Variants in EIF5 observed in about 807,000 individuals in gnomAD.
EIF5 encodes the protein eukaryotic translation initiation factor 5.
In EIF5, 10 loss-of-function variants were observed where a neutral mutation model predicts 48.3. The observed-to-expected ratio is 0.21, with a 90% CI of 0.13 to 0.35. The LOEUF (loss-of-function observed/expected upper bound fraction) is 0.35. Among genes scored for constraint, EIF5 ranks in the 10% least tolerant of loss-of-function variants. The pLI is 1.00. For missense variants in EIF5, 397 were observed against 533.2 expected (o/e 0.74, Z 2.51); for synonymous variants, 237 against 173.1 (o/e 1.37, Z -2.90).
intron 11 of EIF5, among the ~76,000 whole-genome samples, 198 bp from the exon 12 acceptor site, chr14:103,340,765 T>G (rs1169077097): frequency 1.3e-5 from 2 of 151,068 alleles, no homozygotes; most frequent in East Asian, 3.9e-4. Flanking sequence ...CACATTATAG[T>G]CTATAAAAAA....
At position 103,335,831 on chromosome 14, in the gene EIF5, T is replaced by A; in HGVS notation, c.-30T>A. ...AAAGTTGCAATCAAAGATCTCTTCATCTTATTGATAAAGCCACTAATAAGC... is the reference window on the plus strand; with the variant it reads ...AAAGTTGCAATCAAAGATCTCTTCAACTTATTGATAAAGCCACTAATAAGC... On this transcript the variant is annotated 5_prime_UTR_variant, in exon 3 of 12. Transcript: ENST00000216554. 6.2e-7 allele frequency: 1 copy of A among 1,611,858 alleles called. No homozygotes were observed.
chr14:103,339,420 C>T, intron 9 of EIF5, 87 bp downstream of exon 9: 1 of 1,508,464 alleles, frequency 6.6e-7, no homozygotes, highest in Non-Finnish European at 8.9e-7. Flanking sequence ...CTTGTCCTGT[C>T]ATGCTTGAAA....
chr14:103,338,617 TTAAGG>T, intron 7 of EIF5, 113 bp from the exon 8 acceptor site: 1 of 1,516,542 alleles, frequency 6.6e-7, no homozygotes, highest in South Asian at 1.3e-5. Flanking sequence ...GTTGTTTGAA[TTAAGG>T]TGAACCCAAT....
At chr14:103,339,933 C>T (rs1653646106) in intron 10 of EIF5, 130 bp downstream of exon 10, 2 of 1,055,778 alleles carry the variant, frequency 1.9e-6, no homozygotes, top group Non-Finnish European at 2.7e-6. Context: ...ATCTCAGCTC[C>T]CTGAAACCTC....
At chr14:103,340,938 T>G in intron 11 of EIF5, 25 bp from the exon 12 acceptor site, 1 of 1,605,802 alleles carries the variant, frequency 6.2e-7, no homozygotes, top group East Asian at 2.2e-5. Context: ...CAGCTTATGT[T>G]GAATAAAATC....
intron 4 of EIF5, 96 bp from the exon 5 acceptor site, chr14:103,336,581 C>CAAA (rs35114533): frequency 6.7e-4 from 773 of 1,149,796 alleles, no homozygotes; most frequent in East Asian, 2.3e-3. Context: ...ACTCTTGTCT[C>CAAA]AAAAAAAAAA....
chr14:103,340,703 A>G, intron 11 of EIF5, 142 bp downstream of exon 11: 1 of 1,146,020 alleles, frequency 8.7e-7, no homozygotes, highest in Non-Finnish European at 1.2e-6. Flanking sequence ...ACAGCCTCTC[A>G]ATAATTTGGA....
chr14:103,340,873 A>G (rs2089345334), intron 11 of EIF5, 90 bp from the exon 12 acceptor site: 70 of 1,278,478 alleles, frequency 5.5e-5, no homozygotes, highest in Non-Finnish European at 6.8e-5. Context: ...GCATCTAGGC[A>G]GTTTCCTCCT....
In EIF5 at chr14:103,336,024, T is replaced by A. The variant is rs1198678916; in HGVS notation, c.73-12T>A. 2.5e-6 allele frequency: 4 copies of A among 1,614,038 alleles called. No individual in the cohort carries two copies. The highest frequency in any genetic ancestry group is 3.4e-6 in the Non-Finnish European group (4 of 1,180,016). Reference sequence around the variant, plus strand: ...GGGGAAACTGCACAACTAAAATTCTTATTTCCTTTAGGTTGAGGGCAAAGG... The same window carrying A: ...GGGGAAACTGCACAACTAAAATTCTAATTTCCTTTAGGTTGAGGGCAAAGG... On this transcript the variant is annotated splice_polypyrimidine_tract_variant and intron_variant, in intron 3 of 11. Coordinates refer to ENST00000216554, the MANE Select transcript of EIF5 (RefSeq NM_001969.5).
Position 103,342,998 on chromosome 14 carries a change from C to T in EIF5, c.*1946C>T, listed in dbSNP as rs560161084. The T allele has an allele frequency of 9.2e-5, 14 of 152,712 alleles. No homozygotes were observed. Among genetic ancestry groups the T allele is most frequent in the African/African-American group, 3.1e-4 (13 of 41,562 alleles). The allele number at this position is 152,712 out of a possible 1,614,324, so 9.5% of individuals were successfully genotyped here. ...GCTTCTAGAACACTAAAAAATTTGG[C>T]TTAAACCAGTGTTCAGTCTGGTGCC... is the stretch of plus-strand genomic sequence containing the variant. On this transcript the variant is annotated 3_prime_UTR_variant, in exon 12 of 12. Coordinates refer to ENST00000216554, the MANE Select transcript of EIF5 (RefSeq NM_001969.5).
intron 2 of EIF5, chr14:103,334,829 C>G (rs924563510): frequency 6.6e-6 from 1 of 151,758 alleles, no homozygotes; most frequent in Non-Finnish European, 1.5e-5. Flanking sequence ...GCTTCAGCTG[C>G]TGCATTTGTG....
intron 6 of EIF5, chr14:103,337,790 G>C: frequency 4.3e-6 from 2 of 463,060 alleles, no homozygotes. Context: ...ACCCAGCAAA[G>C]TTTCTTTTAC....
At chr14:103,340,317 G>T in intron 10 of EIF5, 110 bp from the exon 11 acceptor site, 2 of 1,182,954 alleles carry the variant, frequency 1.7e-6, no homozygotes. Context: ...TCTGTTTGAG[G>T]ATTCAGACTT....
At position 103,337,517 on chromosome 14, in the gene EIF5, G is replaced by A. The variant is rs572152220; in HGVS notation, c.439+290G>A. The A allele has an allele frequency of 8.0e-4, 320 of 398,416 alleles. 1 individual carries two copies. The highest frequency in any genetic ancestry group is 1.2e-3 in the Non-Finnish European group (259 of 220,752). 24.7% of individuals were successfully genotyped at this position (398,416 alleles called of 1,614,324 possible). On this transcript the variant is annotated intron_variant, in intron 6 of 11. Coordinates refer to ENST00000216554, the MANE Select transcript of EIF5 (RefSeq NM_001969.5). ...CTCCGGTAGCTGAGGCATGAGCGTC[G>A]CTTGAACCTTGGAGGCAGAGGTTGC...
At chr14:103,338,278 G>A (rs771778119) in intron 6 of EIF5, 49 bp from the exon 7 acceptor site, 1 of 1,594,362 alleles carries the variant, frequency 6.3e-7, no homozygotes, top group Non-Finnish European at 8.5e-7. Context: ...TGGGCAATGA[G>A]GTAATGTAAG....
intron 9 of EIF5, 94 bp downstream of exon 9, chr14:103,339,427 G>GA: frequency 1.3e-6 from 2 of 1,492,754 alleles, no homozygotes; most frequent in Non-Finnish European, 1.8e-6. Flanking sequence ...TGTCATGCTT[G>GA]AAAGTGGGGA....
intron 4 of EIF5, 104 bp downstream of exon 4, chr14:103,336,221 CAAGTT>C: frequency 8.6e-7 from 1 of 1,166,546 alleles, no homozygotes; most frequent in South Asian, 1.5e-5. Context: ...AATTACCTTA[CAAGTT>C]AAGTGAGGAA....
intron 6 of EIF5, chr14:103,337,463 A>T: frequency 8.4e-6 from 4 of 473,922 alleles, no homozygotes; most frequent in Admixed American, 4.0e-5. Flanking sequence ...CTAGCTTAGC[A>T]TGGTGGTGTG....
At chr14:103,336,167 C>T in intron 4 of EIF5, 50 bp downstream of exon 4, 2 of 1,563,738 alleles carry the variant, frequency 1.3e-6, no homozygotes, top group South Asian at 2.3e-5. Context: ...ATAGAGTCTT[C>T]AAAGTCTTTG....
Sources: allele counts gnomAD v4.1 joint callset (sites outside exome capture counted in the v4.1 genomes callset), GRCh38; gene constraint gnomAD v4.1.1; transcripts MANE v1.5; gene names NCBI Gene and HGNC (gene_info 2026-07-23, HGNC 2026-07-21).